Variants in AHCYL2 observed in about 807,000 individuals in gnomAD.
AHCYL2 encodes S-adenosylhomocysteine hydrolase-like protein 2.
In AHCYL2, 28 loss-of-function variants were observed where a neutral mutation model predicts 81.4. The observed-to-expected ratio is 0.34, with a 90% CI of 0.25 to 0.47. The LOEUF is 0.47. AHCYL2 is among the 20% of genes least tolerant of loss of function. The pLI is 1.00. For synonymous variants in AHCYL2, 272 were observed against 290.2 expected, an observed-to-expected ratio of 0.94 and a Z score of 0.64; for missense variants, 551 against 785.1, an observed-to-expected ratio of 0.70 and a Z score of 3.56.
intron 1 of AHCYL2, among the ~76,000 whole-genome samples, chr7:129,252,831 GATAA>G (rs1159170891): frequency 6.7e-6 from 1 of 150,078 alleles, no homozygotes; most frequent in Non-Finnish European, 1.5e-5. Context: ...TTGATTGATA[GATAA>G]ATAGATAGCA....
At chr7:129,240,352 A>G (rs1447215530) in intron 1 of AHCYL2, among the ~76,000 whole-genome samples, 1 of 152,090 alleles carries the variant, frequency 6.6e-6, no homozygotes, top group Non-Finnish European at 1.5e-5. Context: ...AGAGAAATAC[A>G]TACACAGACA....
rs1310617633 is a variant in AHCYL2, at chr7:129,427,605, C to G, written c.*560C>G. 1 of 152,864 alleles carries G rather than the reference C, an allele frequency of 6.5e-6. No individual in the cohort carries two copies. Among genetic ancestry groups the G allele is most frequent in the African/African-American group, 2.4e-5 (1 of 41,446 alleles). 9.5% of individuals were successfully genotyped at this position (152,864 alleles called of 1,614,324 possible). On this transcript the variant is annotated 3_prime_UTR_variant, in exon 17 of 17. Coordinates refer to ENST00000325006, the MANE Select transcript of AHCYL2 (RefSeq NM_015328.4). This position sits in a 1 kb window ranked among gnomAD's most constrained non-coding sequence, Gnocchi z 5.5. ...TATTTATGGCTTTGCCAAGCTACAT[C>G]AAGAACTCAGCTGTGCTGTGCCTAC...
At chr7:129,327,842 G>A (rs965211889) in intron 1 of AHCYL2, among the ~76,000 whole-genome samples, 1 of 152,028 alleles carries the variant, frequency 6.6e-6, no homozygotes, top group East Asian at 1.9e-4. Flanking sequence ...CACCCAGGCT[G>A]TAGTGCAGTG....
intron 1 of AHCYL2, among the ~76,000 whole-genome samples, chr7:129,340,068 T>G (rs1206595261): frequency 2.0e-5 from 3 of 150,706 alleles, no homozygotes; most frequent in Non-Finnish European, 3.0e-5. Flanking sequence ...ACAGGCGCAC[T>G]CCGCCACGCT....
chr7:129,347,214 CATT>C (rs149465086), intron 1 of AHCYL2, among the ~76,000 whole-genome samples: 7,338 of 152,116 alleles, frequency 0.048, 565 homozygotes, highest in African/African-American at 0.17. Flanking sequence ...GGGTACACAT[CATT>C]ATACATTTGT....
chr7:129,392,508 C>T (rs1795517700), intron 4 of AHCYL2, among the ~76,000 whole-genome samples: 1 of 152,194 alleles, frequency 6.6e-6, no homozygotes, highest in African/African-American at 2.4e-5. Context: ...TGTCTAATCA[C>T]CTTCCAATCA....
At chr7:129,301,870 T>C (rs1797268544) in intron 1 of AHCYL2, among the ~76,000 whole-genome samples, 1 of 142,468 alleles carries the variant, frequency 7.0e-6, no homozygotes, top group African/African-American at 2.5e-5. Flanking sequence ...ATATAAATTT[T>C]AGGATTTTTT....
intron 1 of AHCYL2, among the ~76,000 whole-genome samples, chr7:129,245,413 A>G (rs1474497662): frequency 1.3e-5 from 2 of 152,226 alleles, no homozygotes; most frequent in African/African-American, 2.4e-5. Flanking sequence ...CATTAAGTAC[A>G]TTCACACTGT....
Position 129,368,310 on chromosome 7 carries a change from G to T in AHCYL2, c.364-11328G>T. The T allele has an allele frequency of 1.4e-6, 2 of 1,435,478 alleles. No individual in the cohort carries two copies. The allele number at this position is 1,435,478 out of a possible 1,614,324, so 88.9% of individuals were successfully genotyped here. A position where few individuals can be genotyped will look rare whatever the true frequency, so the allele number is the denominator to read the frequency against. On this transcript the variant is annotated intron_variant, in intron 1 of 16. Coordinates refer to ENST00000325006, the MANE Select transcript of AHCYL2 (RefSeq NM_015328.4). This position sits in a 1 kb window ranked among gnomAD's most constrained non-coding sequence, Gnocchi z 4.4. ...AAGCCGGCCAGTAAGGGGTTGTCAG[G>T]CAGTTGACTAATGCTCTTGATTTGA...
chr7:129,267,365 C>T (rs534316884), intron 1 of AHCYL2, among the ~76,000 whole-genome samples: 2 of 151,840 alleles, frequency 1.3e-5, no homozygotes, highest in Non-Finnish European at 1.5e-5. Context: ...AGTGCAGTGG[C>T]GTGATCTCAT....
At chr7:129,336,225 G>C (rs1157092520) in intron 1 of AHCYL2, among the ~76,000 whole-genome samples, 1 of 151,874 alleles carries the variant, frequency 6.6e-6, no homozygotes, top group East Asian at 1.9e-4. Flanking sequence ...ATGCCACCAT[G>C]CCTGGCTAAT....
chr7:129,322,473 T>C (rs1443293231), intron 1 of AHCYL2, among the ~76,000 whole-genome samples: 1 of 152,216 alleles, frequency 6.6e-6, no homozygotes, highest in Non-Finnish European at 1.5e-5. Flanking sequence ...ATATCTTTAA[T>C]AAATATTTCT....
At chr7:129,338,324 T>A (rs527916064) in intron 1 of AHCYL2, among the ~76,000 whole-genome samples, 3 of 150,874 alleles carry the variant, frequency 2.0e-5, no homozygotes, top group South Asian at 2.1e-4. Flanking sequence ...AATTTGTAAA[T>A]TTTTTTTTTC....
intron 1 of AHCYL2, among the ~76,000 whole-genome samples, chr7:129,290,369 T>A (rs868676690): frequency 1.4e-4 from 21 of 151,272 alleles, no homozygotes; most frequent in African/African-American, 5.1e-4. Flanking sequence ...GGAGTGGTGG[T>A]GGGTGCCTTT....
intron 1 of AHCYL2, among the ~76,000 whole-genome samples, chr7:129,230,698 G>A (rs570710929): frequency 4.0e-5 from 6 of 150,052 alleles, no homozygotes; most frequent in Non-Finnish European, 7.4e-5. Context: ...TCAGCCTCCC[G>A]AGTAGCTGGG....
At chr7:129,399,446 C>CAA (rs560832840) in intron 5 of AHCYL2, among the ~76,000 whole-genome samples, 1 of 125,804 alleles carries the variant, frequency 7.9e-6, no homozygotes. Context: ...GACTCCGTCT[C>CAA]AAAAAAAAAA....
rs572767415 is a variant in AHCYL2, at chr7:129,404,845, AG to A, written c.1026-250del. 7.3e-4 allele frequency among the ~76,000 whole-genome samples: 111 copies of A among 152,252 alleles called. 1 individual carries two copies. Among genetic ancestry groups the A allele is most frequent in the African/African-American group, 2.6e-3 (108 of 41,556 alleles). ...TCCCACTTTTTATAGTCTCCAGTGA[AG>A]GCCTTAAAATTTAGAGGTGGGTCAA... On this transcript the variant is annotated intron_variant, in intron 7 of 16. Coordinates refer to ENST00000325006, the MANE Select transcript of AHCYL2 (RefSeq NM_015328.4).
intron 1 of AHCYL2, among the ~76,000 whole-genome samples, chr7:129,305,336 T>C (rs1174548157): frequency 6.6e-6 from 1 of 152,160 alleles, no homozygotes; most frequent in Non-Finnish European, 1.5e-5. Context: ...GGCACGTGCC[T>C]GTAGTCCCAG....
chr7:129,344,977 A>C (rs540593224), intron 1 of AHCYL2, among the ~76,000 whole-genome samples: 4 of 152,266 alleles, frequency 2.6e-5, no homozygotes, highest in African/African-American at 9.6e-5. Context: ...TAACATGGTG[A>C]AACCCCATCT....
Sources: gnomAD v4.1 joint callset for allele counts (sites outside exome capture counted in the v4.1 genomes callset) on GRCh38, gnomAD v4.1.1 for gene constraint, Gnocchi (gnomAD v3.1) non-coding constraint, MANE v1.5 for transcripts, NCBI Gene and HGNC (gene_info 2026-07-23, HGNC 2026-07-21) for gene names.